Variants in OLFM1 observed in about 807,000 individuals in gnomAD.
OLFM1 encodes noelin.
OLFM1 carries 9 observed loss-of-function variants against 49.7 expected under a neutral mutation model. The observed-to-expected ratio is 0.18, with a 90% CI of 0.11 to 0.32. The LOEUF is 0.32. Among genes scored for constraint, OLFM1 ranks in the 10% least tolerant of loss-of-function variants. OLFM1 has a pLI of 1.00. For missense variants in OLFM1, 369 were observed against 661.8 expected, an observed-to-expected ratio of 0.56 and a Z score of 4.85; for synonymous variants, 240 against 271.8, an observed-to-expected ratio of 0.88 and a Z score of 1.15.
At chr9:135,090,795 A>T (rs1015431815) in intron 2 of OLFM1, among the ~76,000 whole-genome samples, 2 of 152,154 alleles carry the variant, frequency 1.3e-5, no homozygotes, top group African/African-American at 4.8e-5. Flanking sequence ...ATGCATGGCC[A>T]TTTGGATTTT....
chr9:135,095,733 T>C (rs1830780665), intron 2 of OLFM1, 131 bp from the exon 3 acceptor site: 1 of 907,568 alleles, frequency 1.1e-6, no homozygotes, highest in East Asian at 2.5e-5. Context: ...ACCTTGTAAA[T>C]AATGCATGGG....
upstream of OLFM1, chr9:135,086,762 G>A: frequency 2.2e-6 from 1 of 453,420 alleles, no homozygotes; most frequent in South Asian, 1.6e-5. Flanking sequence ...CCGGGAAGAG[G>A]GGCAGCGTGC....
intron 2 of OLFM1, among the ~76,000 whole-genome samples, chr9:135,090,697 C>T (rs1258505406): frequency 6.6e-6 from 1 of 152,130 alleles, no homozygotes; most frequent in Non-Finnish European, 1.5e-5. Context: ...GGACACAAGG[C>T]TCGTCTCTGA....
At chr9:135,107,776 T>C (rs1254618270) in intron 5 of OLFM1, among the ~76,000 whole-genome samples, 2 of 152,234 alleles carry the variant, frequency 1.3e-5, no homozygotes. Flanking sequence ...CTGGGCCGAC[T>C]GAGAAAGGCC....
intron 3 of OLFM1, chr9:135,097,991 C>A (rs1045488502): frequency 1.4e-6 from 2 of 1,422,366 alleles, no homozygotes; most frequent in South Asian, 1.6e-5. Flanking sequence ...TAGTTTGAAC[C>A]CTTGTCAATG....
intron 4 of OLFM1, among the ~76,000 whole-genome samples, chr9:135,101,265 GT>G (rs2119122260): frequency 6.6e-6 from 1 of 152,272 alleles, no homozygotes; most frequent in East Asian, 1.9e-4. Flanking sequence ...GGACCCCGCA[GT>G]TTCTTGGTGT....
chr9:135,089,909 G>T (rs997084972), intron 1 of OLFM1, among the ~76,000 whole-genome samples: 1 of 152,164 alleles, frequency 6.6e-6, no homozygotes, highest in Non-Finnish European at 1.5e-5. Flanking sequence ...TTGGCCAGAC[G>T]ACAAACTCCA....
chr9:135,087,278 G>T, upstream of OLFM1: 1 of 1,475,714 alleles, frequency 6.8e-7, no homozygotes. Flanking sequence ...GCGGAAAAGG[G>T]CTCCAGTAGG....
Position 135,096,630 on chromosome 9 carries a change from G to A in OLFM1, c.456+611G>A, listed in dbSNP as rs192165211. 2.5e-4 allele frequency among the ~76,000 whole-genome samples: 38 copies of A among 152,352 alleles called. No homozygotes were observed. In the South Asian group the frequency reaches 3.1e-3, roughly 12 times the overall value. The stretch of plus-strand genomic sequence containing the variant: ...TGAGATCCTGCGCTGCCCGAGCCAA[G>A]TCGAATATTAGCTGGGAAGGGACAT... On this transcript the variant is annotated intron_variant, in intron 3 of 5. Transcript: ENST00000371793.
chr9:135,101,554 G>A (rs1309758558), intron 4 of OLFM1, among the ~76,000 whole-genome samples: 2 of 152,216 alleles, frequency 1.3e-5, no homozygotes, highest in South Asian at 4.1e-4. Flanking sequence ...TAATGGCCCA[G>A]CCAGAAACTT....
chr9:135,113,415 G>A lies in OLFM1; in HGVS notation c.784-6089G>A, dbSNP rs1014392566. 4.6e-5 allele frequency among the ~76,000 whole-genome samples: 7 copies of A among 152,130 alleles called. No homozygotes were observed. Among genetic ancestry groups the A allele is most frequent in the Non-Finnish European group, 8.8e-5 (6 of 68,034 alleles). ...CTACCCAGAACCACCAAGCCCACTC[G>A]AGTCCCGGGCTAAGGACATAAATGA... On this transcript the variant is annotated intron_variant, in intron 5 of 5. Coordinates refer to ENST00000371793, the MANE Select transcript of OLFM1 (RefSeq NM_001282611.2). The surrounding 1 kb of genome is among the most constrained non-coding windows in gnomAD (Gnocchi z 4.0).
intron 1 of OLFM1, chr9:135,076,605 A>T (rs1830469489): frequency 9.3e-6 from 10 of 1,071,862 alleles, no homozygotes; most frequent in Non-Finnish European, 1.3e-5. Flanking sequence ...TGGTGCTCGG[A>T]AGAGCCTGCC....
At chr9:135,081,471 G>T (rs1830531812) in intron 1 of OLFM1, among the ~76,000 whole-genome samples, 3 of 152,042 alleles carry the variant, frequency 2.0e-5, no homozygotes, top group Admixed American at 2.0e-4. Flanking sequence ...GAGAAAGCAG[G>T]GCAAGAAGGA....
intron 1 of OLFM1, chr9:135,075,893 G>A (rs1427287764): frequency 1.4e-6 from 2 of 1,426,970 alleles, no homozygotes; most frequent in Non-Finnish European, 1.8e-6. Flanking sequence ...CTCTGGCTCC[G>A]CGCCGCCCCG....
At chr9:135,099,913 T>C (rs1830847890) in intron 4 of OLFM1, among the ~76,000 whole-genome samples, 1 of 152,308 alleles carries the variant, frequency 6.6e-6, no homozygotes, top group East Asian at 1.9e-4. Flanking sequence ...TGAATGTTAA[T>C]GATGATAGGG....
chr9:135,076,678 C>G (rs1830470473), intron 1 of OLFM1: 1 of 1,325,910 alleles, frequency 7.5e-7, no homozygotes, highest in Non-Finnish European at 1.0e-6. Flanking sequence ...TGCCACTGTG[C>G]CACGCTCTGA....
At chr9:135,099,361 G>C (rs905763898) in intron 4 of OLFM1, among the ~76,000 whole-genome samples, 5 of 152,068 alleles carry the variant, frequency 3.3e-5, no homozygotes, top group African/African-American at 1.2e-4. Context: ...GCCTTATGAA[G>C]TTTATCTCAG....
At chr9:135,115,380 C>G (rs1398077283) in intron 5 of OLFM1, among the ~76,000 whole-genome samples, 1 of 152,270 alleles carries the variant, frequency 6.6e-6, no homozygotes, top group Non-Finnish European at 1.5e-5. Flanking sequence ...TGCCCAAGGT[C>G]AGCCCTGATG....
chr9:135,084,564 C>T (rs973879474), upstream of OLFM1, among the ~76,000 whole-genome samples: 2 of 150,934 alleles, frequency 1.3e-5, no homozygotes, highest in African/African-American at 4.9e-5. This position sits in a 1 kb window ranked among gnomAD's most constrained non-coding sequence, Gnocchi z 4.6. Context: ...CTCTCTGTTT[C>T]TTTGTCTTTC....
Sources: allele counts gnomAD v4.1 joint callset (sites outside exome capture counted in the v4.1 genomes callset), GRCh38; gene constraint gnomAD v4.1.1; non-coding constraint Gnocchi (gnomAD v3.1); transcripts MANE v1.5; gene names NCBI Gene and HGNC (gene_info 2026-07-23, HGNC 2026-07-21).